TDRD5: variants seen among roughly 807,000 people sequenced by gnomAD.
The protein encoded by TDRD5 is tudor domain-containing protein 5.
Under a neutral mutation model 120.6 loss-of-function variants are expected in TDRD5, and 41 were observed. The observed-to-expected ratio is 0.34, with a 90% CI of 0.26 to 0.44. TDRD5 has a LOEUF of 0.44. Among genes scored for constraint, TDRD5 ranks in the 20% least tolerant of loss-of-function variants. The pLI is 1.00. For synonymous variants in TDRD5, 430 were observed against 433.7 expected (o/e 0.99, Z 0.11); for missense variants, 1,006 against 1,221.2 (o/e 0.82, Z 2.63).
chr1:179,643,082 A>T (rs1331524865), intron 11 of TDRD5, among the ~76,000 whole-genome samples: 2 of 152,198 alleles, frequency 1.3e-5, no homozygotes, highest in African/African-American at 4.8e-5. Context: ...TTGGGTGACT[A>T]CTGAACTTTC....
chr1:179,631,192 C>A (rs1336827598), intron 7 of TDRD5, among the ~76,000 whole-genome samples: 1 of 152,100 alleles, frequency 6.6e-6, no homozygotes, highest in East Asian at 1.9e-4. Flanking sequence ...GCGATTGAGA[C>A]CATCCTGGCT....
chr1:179,687,021 G>GT (rs1187089355), intron 17 of TDRD5, among the ~76,000 whole-genome samples: 5 of 152,060 alleles, frequency 3.3e-5, no homozygotes, highest in Admixed American at 1.3e-4. Context: ...TTTTTGAAGG[G>GT]TTTTTTGTGT....
chr1:179,682,147 T>A (rs1680457564), intron 17 of TDRD5, among the ~76,000 whole-genome samples: 1 of 150,450 alleles, frequency 6.6e-6, no homozygotes, highest in Non-Finnish European at 1.5e-5. Context: ...TTTATATTGA[T>A]TTTTTTTCTC....
chr1:179,651,294 A>G (rs1442828372), intron 12 of TDRD5, among the ~76,000 whole-genome samples: 1 of 152,142 alleles, frequency 6.6e-6, no homozygotes, highest in African/African-American at 2.4e-5. Flanking sequence ...ATTTTAAATA[A>G]TTAATTTAAA....
chr1:179,639,911 C>G lies in TDRD5; in HGVS notation c.1593C>G (p.Leu531=). The G allele has an allele frequency of 6.2e-7, 1 of 1,614,122 alleles. No individual in the cohort carries two copies. Among genetic ancestry groups the G allele is most frequent in the African/African-American group, 1.3e-5 (1 of 75,034 alleles). Residue 531 remains leucine (L), a synonymous_variant, in exon 10 of 18, where the codon CTC becomes CTG. Transcript: ENST00000444136. ...MPECFIQPGH[L]CCVRISEDKW... Reference sequence around the variant, plus strand: ...AATGTTTTATTCAGCCGGGACATCTCTGTTGTGTAAGGATTTCTGAGGATA... The same window carrying G: ...AATGTTTTATTCAGCCGGGACATCTGTGTTGTGTAAGGATTTCTGAGGATA...
At chr1:179,644,695 T>A (rs1005216856) in intron 11 of TDRD5, among the ~76,000 whole-genome samples, 2 of 152,174 alleles carry the variant, frequency 1.3e-5, no homozygotes, top group Non-Finnish European at 2.9e-5. Flanking sequence ...TGTAGTGATA[T>A]GTCCTTTTAC....
At chr1:179,669,474 A>G in intron 17 of TDRD5, 70 bp downstream of exon 17, 1 of 1,550,712 alleles carries the variant, frequency 6.4e-7, no homozygotes, top group South Asian at 1.2e-5. Context: ...GCTAAAACAA[A>G]CCTTCATTTA....
chr1:179,621,183 G>C (rs1676825076), intron 6 of TDRD5, 92 bp downstream of exon 6: 1 of 1,077,748 alleles, frequency 9.3e-7, no homozygotes, highest in African/African-American at 1.6e-5. Context: ...GGATTCTCCA[G>C]GTCTATGCTC....
chr1:179,619,734 A>G (rs1676748670), intron 5 of TDRD5, among the ~76,000 whole-genome samples: 1 of 151,780 alleles, frequency 6.6e-6, no homozygotes. Flanking sequence ...CAATCCTCTC[A>G]CATCAGCCTC....
intron 4 of TDRD5, among the ~76,000 whole-genome samples, chr1:179,600,551 A>G (rs1008821699): frequency 6.6e-6 from 1 of 152,152 alleles, no homozygotes; most frequent in African/African-American, 2.4e-5. Context: ...ATGTATCCCC[A>G]TTGTTAAAAG....
intron 6 of TDRD5, among the ~76,000 whole-genome samples, chr1:179,626,464 C>T (rs1677138505): frequency 6.6e-6 from 1 of 152,142 alleles, no homozygotes; most frequent in African/African-American, 2.4e-5. Flanking sequence ...GTTTGGGTTA[C>T]ACAGTTCTGC....
intron 4 of TDRD5, among the ~76,000 whole-genome samples, chr1:179,605,371 C>T (rs188368030): frequency 9.9e-5 from 15 of 152,140 alleles, no homozygotes; most frequent in African/African-American, 2.4e-4. Flanking sequence ...CATTTGCATT[C>T]GATGTTAGTT....
At chr1:179,607,183 T>TG (rs1676024707) in intron 4 of TDRD5, among the ~76,000 whole-genome samples, 1 of 152,148 alleles carries the variant, frequency 6.6e-6, no homozygotes, top group Non-Finnish European at 1.5e-5. Context: ...GTATTATATT[T>TG]GGGGGAGTGC....
rs764470335 is a variant in TDRD5 at position 179,592,635 on chromosome 1, T to C, written c.20T>C (p.Ile7Thr). The change falls in exon 2 of 18, where the codon ATA (isoleucine) becomes ACA (threonine). Residue 7 changes from isoleucine to threonine, a missense_variant. Transcript: ENST00000444136. The part of the protein sequence containing the change: MSEQER[I>T]QECLRKEIRS... The stretch of plus-strand genomic sequence containing the variant: ...GGCACAATGTCTGAACAAGAGCGTA[T>C]ACAGGAATGTCTGCGGAAGGAAATA... 9.3e-6 allele frequency: 15 copies of C among 1,613,960 alleles called. No individual in the cohort carries two copies. Among genetic ancestry groups the C allele is most frequent in the Non-Finnish European group, 1.2e-5 (14 of 1,180,024 alleles).
intron 13 of TDRD5, 104 bp from the exon 14 acceptor site, chr1:179,654,097 T>C: frequency 1.1e-6 from 1 of 901,736 alleles, no homozygotes. Flanking sequence ...ATGTAGCATT[T>C]GTGTGAACCA....
chr1:179,648,483 T>C (rs1367017894), intron 11 of TDRD5, among the ~76,000 whole-genome samples: 1 of 133,244 alleles, frequency 7.5e-6, no homozygotes, highest in Non-Finnish European at 1.6e-5. Flanking sequence ...TTGGGAGATA[T>C]ACCTAATGCT....
intron 4 of TDRD5, among the ~76,000 whole-genome samples, chr1:179,613,315 G>A (rs541164008): frequency 6.6e-6 from 1 of 152,172 alleles, no homozygotes; most frequent in Admixed American, 6.6e-5. Context: ...TTCTCTGGGG[G>A]TTATATTCTC....
intron 9 of TDRD5, among the ~76,000 whole-genome samples, chr1:179,639,470 CA>C (rs1677926306): frequency 6.6e-6 from 1 of 152,140 alleles, no homozygotes; most frequent in Non-Finnish European, 1.5e-5. Flanking sequence ...GGTAACGCTG[CA>C]GCAAGATAAT....
At chr1:179,626,050 T>C (rs1300556948) in intron 6 of TDRD5, among the ~76,000 whole-genome samples, 1 of 151,328 alleles carries the variant, frequency 6.6e-6, no homozygotes, top group East Asian at 2.0e-4. Flanking sequence ...AACATCACAC[T>C]CTGGGGCCTG....
Sources: allele counts gnomAD v4.1 joint callset (sites outside exome capture counted in the v4.1 genomes callset), GRCh38; gene constraint gnomAD v4.1.1; transcripts MANE v1.5; gene names NCBI Gene and HGNC (gene_info 2026-07-23, HGNC 2026-07-21).